The following MED27 variants were observed in gnomAD, a reference collection of about 807,000 sequenced individuals.
MED27 encodes the protein mediator complex subunit 27.
MED27 carries 30 observed loss-of-function variants against 38.2 expected under a neutral mutation model. The ratio of observed to expected loss-of-function variants is 0.79; its 90% CI spans 0.59 to 1.07. MED27 has a LOEUF of 1.07. Ranked by LOEUF, MED27 falls within the 50% of genes least tolerant of loss-of-function variation. The pLI, the probability that MED27 is intolerant of heterozygous loss-of-function variation, is 0.00. For missense variants in MED27, 289 were observed against 397.5 expected, an observed-to-expected ratio of 0.73 and a Z score of 2.32; for synonymous variants, 122 against 153.5, an observed-to-expected ratio of 0.79 and a Z score of 1.52.
At chr9:131,932,927 T>A (rs1280664874) in intron 4 of MED27, among the ~76,000 whole-genome samples, 1 of 152,124 alleles carries the variant, frequency 6.6e-6, no homozygotes, top group Non-Finnish European at 1.5e-5. Context: ...CATGACCAAG[T>A]GGGATTTATT....
At chr9:131,897,439 A>G (rs1414786438) in intron 4 of MED27, among the ~76,000 whole-genome samples, 3 of 152,258 alleles carry the variant, frequency 2.0e-5, no homozygotes, top group East Asian at 3.8e-4. Context: ...AAATCAAATC[A>G]AAACTTATGA....
intron 3 of MED27, among the ~76,000 whole-genome samples, chr9:131,996,308 A>G (rs1832089303): frequency 6.6e-6 from 1 of 152,216 alleles, no homozygotes; most frequent in African/African-American, 2.4e-5. Context: ...GGCCTGAGAA[A>G]GGCACAGTGA....
At chr9:131,903,525 C>A (rs1829992720) in intron 4 of MED27, among the ~76,000 whole-genome samples, 2 of 152,166 alleles carry the variant, frequency 1.3e-5, no homozygotes, top group South Asian at 4.1e-4. Flanking sequence ...GCCTGAGACC[C>A]AGGTTCAGAT....
intron 6 of MED27, among the ~76,000 whole-genome samples, chr9:131,865,304 A>T (rs797020229): frequency 1.3e-5 from 2 of 152,164 alleles, no homozygotes; most frequent in Admixed American, 1.3e-4. Context: ...AAACAGTAGT[A>T]ATGATAACTT....
intron 4 of MED27, among the ~76,000 whole-genome samples, chr9:131,899,354 C>T (rs1439065779): frequency 3.9e-5 from 6 of 152,156 alleles, no homozygotes; most frequent in Non-Finnish European, 5.9e-5. Flanking sequence ...GTCTGCTGAG[C>T]GACCACTGAG....
chr9:132,006,801 A>AC (rs1334070799), intron 3 of MED27, among the ~76,000 whole-genome samples: 2 of 151,830 alleles, frequency 1.3e-5, no homozygotes, highest in African/African-American at 4.8e-5. Context: ...AATGACGATC[A>AC]CCCCCCCTTC....
intron 3 of MED27, among the ~76,000 whole-genome samples, chr9:131,975,501 T>C (rs1330696317): frequency 6.6e-6 from 1 of 152,228 alleles, no homozygotes; most frequent in Non-Finnish European, 1.5e-5. Flanking sequence ...TCAGTGAATA[T>C]CATCTCGCTG....
intron 4 of MED27, among the ~76,000 whole-genome samples, chr9:131,918,626 T>A (rs1830334674): frequency 1.3e-5 from 2 of 152,254 alleles, no homozygotes; most frequent in African/African-American, 2.4e-5. Flanking sequence ...AAAAACAGGT[T>A]TAATGCCCAA....
chr9:132,035,799 C>A (rs1045228976), intron 2 of MED27, among the ~76,000 whole-genome samples: 1 of 151,996 alleles, frequency 6.6e-6, no homozygotes, highest in African/African-American at 2.4e-5. Context: ...CCCATCTCTA[C>A]CAAAAAATTT....
chr9:132,005,869 AGT>A (rs1832348134), intron 3 of MED27, among the ~76,000 whole-genome samples: 1 of 152,216 alleles, frequency 6.6e-6, no homozygotes, highest in Non-Finnish European at 1.5e-5. Context: ...AGGTAGTGTC[AGT>A]TATTGGAAAC....
intron 4 of MED27, among the ~76,000 whole-genome samples, chr9:131,925,380 G>A (rs1027259801): frequency 2.0e-5 from 3 of 152,070 alleles, no homozygotes; most frequent in African/African-American, 7.2e-5. Flanking sequence ...TATATTTTGT[G>A]TTACAAACAA....
Position 131,997,256 on chromosome 9 carries a change from G to C in MED27, c.479+17081C>G, listed in dbSNP as rs1832110979. Among the ~76,000 whole-genome samples, 2 of 152,140 alleles carry C rather than the reference G, an allele frequency of 1.3e-5. No individual in the cohort carries two copies. Among genetic ancestry groups the C allele is most frequent in the Admixed American group, 1.3e-4 (2 of 15,278 alleles). Reference sequence around the variant, plus strand: ...AGTATCACAGCTGATGAAGATCAGGGTAGACAAGGAGATGCAATGGCAGAT... The same window carrying C: ...AGTATCACAGCTGATGAAGATCAGGCTAGACAAGGAGATGCAATGGCAGAT... On this transcript the variant is annotated intron_variant, in intron 3 of 7. Transcript: ENST00000292035. The surrounding 1 kb of genome is among the most constrained non-coding windows in gnomAD (Gnocchi z 4.0).
At chr9:132,022,185 C>T (rs1047979149) in intron 2 of MED27, among the ~76,000 whole-genome samples, 4 of 152,096 alleles carry the variant, frequency 2.6e-5, no homozygotes, top group African/African-American at 9.7e-5. Flanking sequence ...ATCTTGTTTG[C>T]CTATGTTTCT....
chr9:131,994,740 A>G (rs1564316550), intron 3 of MED27, among the ~76,000 whole-genome samples: 1 of 152,190 alleles, frequency 6.6e-6, no homozygotes, highest in African/African-American at 2.4e-5. Flanking sequence ...GACAATATAC[A>G]CTTAGAGTTC....
At position 131,889,010 on chromosome 9, in the gene MED27, C is replaced by T. The variant is rs1054983601; in HGVS notation, c.681+4875G>A. ...CCCTTTCCCTGGCTTTCACCCTTCCCCCTAGAAGTAACAAGAGGCCATTTT... is the reference window on the plus strand; with the variant it reads ...CCCTTTCCCTGGCTTTCACCCTTCCTCCTAGAAGTAACAAGAGGCCATTTT... On this transcript the variant is annotated intron_variant, in intron 5 of 7. Transcript: ENST00000292035. This position sits in a 1 kb window ranked among gnomAD's most constrained non-coding sequence, Gnocchi z 4.2. Among the ~76,000 whole-genome samples, 3 of 152,204 alleles carry T rather than the reference C, an allele frequency of 2.0e-5. No individual in the cohort carries two copies. The highest frequency in any genetic ancestry group is 1.3e-4 in the Admixed American group (2 of 15,286).
intron 5 of MED27, among the ~76,000 whole-genome samples, chr9:131,887,591 C>G (rs1716305659): frequency 6.6e-6 from 1 of 152,118 alleles, no homozygotes; most frequent in African/African-American, 2.4e-5. Flanking sequence ...TTTCAGGGAG[C>G]CAGGACTGAT....
chr9:132,065,432 G>A (rs1833788807), intron 2 of MED27, among the ~76,000 whole-genome samples: 1 of 152,200 alleles, frequency 6.6e-6, no homozygotes, highest in Non-Finnish European at 1.5e-5. Flanking sequence ...TACGATTCCT[G>A]TTTAAAACAA....
At chr9:132,067,625 G>A (rs987684497) in intron 2 of MED27, among the ~76,000 whole-genome samples, 5 of 152,144 alleles carry the variant, frequency 3.3e-5, no homozygotes, top group Non-Finnish European at 7.4e-5. Context: ...GGATGTCTGG[G>A]CTCCATTTTC....
chr9:132,006,002 T>C (rs1461832394), intron 3 of MED27, among the ~76,000 whole-genome samples: 1 of 152,188 alleles, frequency 6.6e-6, no homozygotes, highest in Non-Finnish European at 1.5e-5. Flanking sequence ...TAGAGAGTTA[T>C]CGCCACCTAG....
Sources: allele counts gnomAD v4.1 joint callset (sites outside exome capture counted in the v4.1 genomes callset), GRCh38; gene constraint gnomAD v4.1.1; non-coding constraint Gnocchi (gnomAD v3.1); transcripts MANE v1.5; gene names NCBI Gene and HGNC (gene_info 2026-07-23, HGNC 2026-07-21).